The following LCOR variants were observed in gnomAD, a reference collection of about 807,000 sequenced individuals.
LCOR encodes ligand dependent nuclear receptor corepressor.
Under a neutral mutation model 64.4 loss-of-function variants are expected in LCOR, and 14 were observed. The ratio of observed to expected loss-of-function variants is 0.22; its 90% CI spans 0.14 to 0.34. The LOEUF is 0.34. Ranked by LOEUF, LCOR falls within the 10% of genes least tolerant of loss-of-function variation. LCOR has a pLI of 1.00. For synonymous variants in LCOR, 643 were observed against 642.5 expected (o/e 1.00, Z -0.01); for missense variants, 1,686 against 1,765.3 (o/e 0.96, Z 0.80).
At chr10:96,875,544 A>G (rs1273115409) in intron 2 of LCOR, among the ~76,000 whole-genome samples, 1 of 151,902 alleles carries the variant, frequency 6.6e-6, no homozygotes, top group Non-Finnish European at 1.5e-5. Flanking sequence ...CATCATTACC[A>G]CTGCCTTCTT....
At chr10:96,860,414 A>G (rs1417981559) in intron 2 of LCOR, among the ~76,000 whole-genome samples, 1 of 152,206 alleles carries the variant, frequency 6.6e-6, no homozygotes, top group African/African-American at 2.4e-5. Flanking sequence ...AAGCCAAGGA[A>G]TGCCAAGGAT....
intron 2 of LCOR, among the ~76,000 whole-genome samples, chr10:96,883,040 TTTG>T (rs988049157): frequency 3.3e-5 from 5 of 152,102 alleles, no homozygotes; most frequent in Non-Finnish European, 4.4e-5. Flanking sequence ...AGGTTTTTCT[TTTG>T]TTGTTGTTGT....
chr10:96,965,652 ACT>A (rs376662688), intron 7 of LCOR, among the ~76,000 whole-genome samples: 185 of 120,512 alleles, frequency 1.5e-3, no homozygotes, highest in African/African-American at 5.2e-3. Flanking sequence ...ACAGAGCGAG[ACT>A]CTGTCTCAAA....
intron 2 of LCOR, among the ~76,000 whole-genome samples, chr10:96,879,734 G>C (rs977635965): frequency 1.1e-4 from 16 of 152,058 alleles, no homozygotes; most frequent in African/African-American, 3.9e-4. Flanking sequence ...CGACGTTGGC[G>C]CACTGCAACC....
chr10:96,990,087 G>A lies in LCOR; in HGVS notation c.*4953G>A, dbSNP rs1025421314. 4 of 151,912 alleles carry A rather than the reference G, an allele frequency of 2.6e-5. No individual in the cohort carries two copies. Among genetic ancestry groups the A allele is most frequent in the Non-Finnish European group, 5.9e-5 (4 of 68,000 alleles). The allele number at this position is 151,912 out of a possible 1,614,324, so 9.4% of individuals were successfully genotyped here. On this transcript the variant is annotated 3_prime_UTR_variant, in exon 8 of 8. Transcript: ENST00000421806. ...CCTAGCAGTAAGTGCTATTCCCCAT[G>A]CTTGCTCTCAAATCCTTTTCAGGGG...
At chr10:96,836,277 A>T (rs1336380384) in intron 2 of LCOR, among the ~76,000 whole-genome samples, 1 of 152,078 alleles carries the variant, frequency 6.6e-6, no homozygotes, top group Admixed American at 6.6e-5. Context: ...ATTTGATGCC[A>T]CTTTTATTTT....
At chr10:96,918,966 A>C (rs570485896) in intron 4 of LCOR, among the ~76,000 whole-genome samples, 5 of 152,252 alleles carry the variant, frequency 3.3e-5, no homozygotes, top group Non-Finnish European at 7.3e-5. Context: ...CAAGAAAAGT[A>C]ATAAGATTTC....
chr10:96,834,811 T>A (rs1456557817), intron 2 of LCOR, among the ~76,000 whole-genome samples: 1 of 152,246 alleles, frequency 6.6e-6, no homozygotes, highest in Non-Finnish European at 1.5e-5. Flanking sequence ...AATCCTGGGC[T>A]CCTGCCTCAG....
At chr10:96,951,037 C>T (rs190598174) in intron 6 of LCOR, among the ~76,000 whole-genome samples, 4 of 151,954 alleles carry the variant, frequency 2.6e-5, no homozygotes, top group East Asian at 3.9e-4. Flanking sequence ...TTCTAACAGC[C>T]GGAAATAAAA....
chr10:96,844,436 A>G (rs1296901419), intron 2 of LCOR, among the ~76,000 whole-genome samples: 4 of 151,738 alleles, frequency 2.6e-5, no homozygotes, highest in Non-Finnish European at 5.9e-5. Context: ...TTTGTTTCTA[A>G]TTACTGATTG....
chr10:96,989,553 CAAAT>C lies in LCOR; in HGVS notation c.*4423_*4426del, dbSNP rs952925788. 4.0e-5 allele frequency: 6 copies of C among 150,908 alleles called. No homozygotes were observed. Among genetic ancestry groups the C allele is most frequent in the African/African-American group, 1.5e-4 (6 of 40,966 alleles). 9.3% of individuals were successfully genotyped at this position (150,908 alleles called of 1,614,324 possible). A position where few individuals can be genotyped will look rare whatever the true frequency, so the allele number is the denominator to read the frequency against. ...AATAATTTTATTAAAGGTAAGCCAA[CAAAT>C]AAAACATAGAGGCTTTTGAAGTGCT... On this transcript the variant is annotated 3_prime_UTR_variant, in exon 8 of 8. Transcript: ENST00000421806.
chr10:96,847,929 T>C (rs1186165249), intron 2 of LCOR, among the ~76,000 whole-genome samples: 1 of 152,238 alleles, frequency 6.6e-6, no homozygotes, highest in East Asian at 1.9e-4. Context: ...TTTCCCCCCT[T>C]TTCCTGAGGA....
At chr10:96,847,798 T>C (rs1206323195) in intron 2 of LCOR, among the ~76,000 whole-genome samples, 1 of 152,170 alleles carries the variant, frequency 6.6e-6, no homozygotes, top group African/African-American at 2.4e-5. Flanking sequence ...CTTTGATCTT[T>C]TAAAAGCAAG....
intron 7 of LCOR, chr10:96,957,852 T>C: frequency 1.0e-6 from 1 of 985,996 alleles, no homozygotes; most frequent in African/African-American, 1.7e-5. Context: ...GTTTAATCAG[T>C]GGATAACTGA....
intron 2 of LCOR, among the ~76,000 whole-genome samples, chr10:96,905,783 A>G (rs1269707415): frequency 6.6e-6 from 1 of 151,318 alleles, no homozygotes; most frequent in Non-Finnish European, 1.5e-5. Context: ...AGAGAGTTGA[A>G]AAACAATTGC....
At chr10:96,844,408 T>G (rs1187708421) in intron 2 of LCOR, among the ~76,000 whole-genome samples, 1 of 152,080 alleles carries the variant, frequency 6.6e-6, no homozygotes, top group Non-Finnish European at 1.5e-5. Flanking sequence ...TTTTAGAATT[T>G]CCATTAAGTT....
intron 2 of LCOR, among the ~76,000 whole-genome samples, chr10:96,849,330 C>A (rs992752964): frequency 6.6e-6 from 1 of 152,072 alleles, no homozygotes; most frequent in African/African-American, 2.4e-5. Flanking sequence ...ACCTTGGCTT[C>A]CCAAAATGCT....
Position 96,983,183 on chromosome 10 carries a change from C to G in LCOR, c.2723C>G (p.Thr908Ser), listed in dbSNP as rs780011074. 2 of 1,614,100 alleles carry G rather than the reference C, an allele frequency of 1.2e-6. No homozygotes were observed. Among genetic ancestry groups the G allele is most frequent in the Non-Finnish European group, 1.7e-6 (2 of 1,180,044 alleles). ...GAGGGCGAAGGCGGGGGGATCATCACCAGGCAGACTTTGAAAAACATGCTG... is the reference window on the plus strand; with the variant it reads ...GAGGGCGAAGGCGGGGGGATCATCAGCAGGCAGACTTTGAAAAACATGCTG... ...EQEGEGGGIITRQTLKNMLDK... is the reference protein window; with the variant it reads ...EQEGEGGGIISRQTLKNMLDK... The change falls in exon 8 of 8, where the codon ACC (threonine) becomes AGC (serine). Residue 908 changes from threonine to serine, a missense_variant. This residue lies in a region of LCOR where 1,293 missense variants were observed against 1,410.4 expected (regional missense o/e 0.92). Transcript: ENST00000421806. The surrounding 1 kb of genome is among the most constrained non-coding windows in gnomAD (Gnocchi z 4.5).
At chr10:96,860,446 A>T (rs1293152832) in intron 2 of LCOR, among the ~76,000 whole-genome samples, 1 of 152,132 alleles carries the variant, frequency 6.6e-6, no homozygotes, top group Non-Finnish European at 1.5e-5. Flanking sequence ...GCTGGCAACC[A>T]CCGGAAGCTA....
Sources: gnomAD v4.1 joint callset for allele counts (sites outside exome capture counted in the v4.1 genomes callset) on GRCh38, gnomAD v4.1.1 for gene constraint, gnomAD v4.1.1 regional missense constraint, Gnocchi (gnomAD v3.1) non-coding constraint, MANE v1.5 for transcripts, NCBI Gene and HGNC (gene_info 2026-07-23, HGNC 2026-07-21) for gene names.